Variants in ANKRD33B observed in about 807,000 individuals in gnomAD.
The protein encoded by ANKRD33B is ankyrin repeat domain-containing protein 33B.
Under a neutral mutation model 21.5 loss-of-function variants are expected in ANKRD33B, and 6 were observed. The observed-to-expected ratio is 0.28, with a 90% CI of 0.15 to 0.55. The LOEUF is 0.55. ANKRD33B is among the 20% of genes least tolerant of loss of function. The probability of loss-of-function intolerance (pLI) is 0.94; values close to 1 mark genes in which losing one functional copy is unlikely to be tolerated. For synonymous variants in ANKRD33B, 347 were observed against 342.4 expected, an observed-to-expected ratio of 1.01 and a Z score of -0.15; for missense variants, 698 against 747.2, an observed-to-expected ratio of 0.93 and a Z score of 0.77.
At chr5:10,583,875 A>G (rs531430210) in intron 1 of ANKRD33B, among the ~76,000 whole-genome samples, 10 of 152,330 alleles carry the variant, frequency 6.6e-5, no homozygotes, top group African/African-American at 1.9e-4. Context: ...GAATCTTAAC[A>G]TTTGACTGTA....
chr5:10,610,432 C>G (rs1209320504), intron 1 of ANKRD33B, among the ~76,000 whole-genome samples: 1 of 151,540 alleles, frequency 6.6e-6, no homozygotes, highest in Non-Finnish European at 1.5e-5. Context: ...TTATCTGGCC[C>G]CACATGTCAA....
At chr5:10,575,316 G>A (rs1056459857) in intron 1 of ANKRD33B, among the ~76,000 whole-genome samples, 10 of 152,052 alleles carry the variant, frequency 6.6e-5, no homozygotes, top group Middle Eastern at 3.4e-3. Context: ...CCAGCTACTC[G>A]GGAGGCTGAG....
At chr5:10,610,185 GGAGT>G (rs1736133736) in intron 1 of ANKRD33B, among the ~76,000 whole-genome samples, 2 of 152,254 alleles carry the variant, frequency 1.3e-5, no homozygotes, top group African/African-American at 4.8e-5. Flanking sequence ...CATGAGTGGT[GGAGT>G]TGAAGTTGTT....
chr5:10,582,459 AC>A (rs1369490563), intron 1 of ANKRD33B, among the ~76,000 whole-genome samples: 1 of 151,700 alleles, frequency 6.6e-6, no homozygotes, highest in Non-Finnish European at 1.5e-5. Context: ...AAGTGCTATA[AC>A]CCCCCGCCCT....
chr5:10,611,317 CT>C (rs1173372029), intron 1 of ANKRD33B, among the ~76,000 whole-genome samples: 2 of 152,092 alleles, frequency 1.3e-5, no homozygotes, highest in African/African-American at 2.4e-5. Flanking sequence ...TTCTATTTTA[CT>C]TTTCTCTATA....
chr5:10,619,828 A>C lies in ANKRD33B; in HGVS notation c.496+1366A>C, dbSNP rs903170551. Among the ~76,000 whole-genome samples the C allele has an allele frequency of 7.9e-5, 12 of 152,210 alleles. No homozygotes were observed. Among genetic ancestry groups the C allele is most frequent in the South Asian group, 4.1e-4 (2 of 4,836 alleles). On this transcript the variant is annotated intron_variant, in intron 2 of 3. Coordinates refer to ENST00000296657, the MANE Select transcript of ANKRD33B (RefSeq NM_001164440.2). The surrounding 1 kb of genome is among the most constrained non-coding windows in gnomAD (Gnocchi z 4.5). ...CAGCCCCGTCCTTGAGTAATTCTGC[A>C]GCTCATGGGACAGAGAAACACACGA...
At chr5:10,593,944 G>C (rs1415708865) in intron 1 of ANKRD33B, among the ~76,000 whole-genome samples, 1 of 152,138 alleles carries the variant, frequency 6.6e-6, no homozygotes, top group Non-Finnish European at 1.5e-5. Context: ...GCCGAATTCT[G>C]GTCCCGTGGC....
At chr5:10,641,225 C>CTTTTTTTTTT (rs772445527) in intron 3 of ANKRD33B, among the ~76,000 whole-genome samples, 4 of 77,448 alleles carry the variant, frequency 5.2e-5, no homozygotes, top group Admixed American at 1.3e-4. Context: ...TCTTCTTCTT[C>CTTTTTTTTTT]TTTTTTTTTT....
At position 10,650,100 on chromosome 5, in the gene ANKRD33B, A is replaced by G. The variant is rs1277640237; in HGVS notation, c.1472A>G (p.Lys491Arg). 1.3e-6 allele frequency: 2 copies of G among 1,521,204 alleles called. No individual in the cohort carries two copies. The highest frequency in any genetic ancestry group is 2.5e-5 in the East Asian group (1 of 40,098). 94.2% of individuals were successfully genotyped at this position (1,521,204 alleles called of 1,614,324 possible). The part of the protein sequence containing the change: ...AQKERRTAPW[K>R]KRT ...AAGGAGAGGCGCACTGCGCCCTGGA[A>G]GAAGAGGACGTGAGGGCCCGTGTGC... The change falls in exon 4 of 4, where the codon AAG becomes AGG. Residue 491 changes from lysine (K) to arginine (R), a missense_variant. Coordinates refer to ENST00000296657, the MANE Select transcript of ANKRD33B (RefSeq NM_001164440.2).
chr5:10,649,683 G>T lies in ANKRD33B; in HGVS notation c.1055G>T (p.Arg352Leu), dbSNP rs767725080. ...VQEILAARAA[R>L]GPQAQEEDEV... ...GAGATCCTGGCGGCGCGGGCTGCACGGGGCCCCCAGGCGCAGGAGGAGGAT... is the reference window on the plus strand; with the variant it reads ...GAGATCCTGGCGGCGCGGGCTGCACTGGGCCCCCAGGCGCAGGAGGAGGAT... Residue 352 changes from arginine (R) to leucine (L), a missense_variant, in exon 4 of 4, where the codon CGG becomes CTG. Physicochemically the swap from Arg to Leu is moderately radical, Grantham distance 102 (BLOSUM62 -2). Transcript: ENST00000296657. 43 of 1,524,446 alleles carry T rather than the reference G, an allele frequency of 2.8e-5. No individual in the cohort carries two copies. The South Asian group carries it at 4.6e-4, about 16-fold the overall frequency. 94.4% of individuals were successfully genotyped at this position (1,524,446 alleles called of 1,614,324 possible).
chr5:10,581,916 G>A (rs1735452555), intron 1 of ANKRD33B, among the ~76,000 whole-genome samples: 1 of 152,262 alleles, frequency 6.6e-6, no homozygotes, highest in South Asian at 2.1e-4. Context: ...CTTTATGTCT[G>A]TATCTCCTCT....
At chr5:10,641,439 G>A (rs968333559) in intron 3 of ANKRD33B, among the ~76,000 whole-genome samples, 1 of 151,972 alleles carries the variant, frequency 6.6e-6, no homozygotes. Flanking sequence ...ATGTTGGCCA[G>A]GTTGGTCTTG....
chr5:10,630,884 A>AAAAG (rs1553994254), intron 2 of ANKRD33B, among the ~76,000 whole-genome samples: 8 of 151,336 alleles, frequency 5.3e-5, no homozygotes, highest in East Asian at 1.9e-4. Flanking sequence ...AAAAAAAAAA[A>AAAAG]AAGAAGAAGA....
In ANKRD33B at chr5:10,604,211, A is replaced by C. The variant is rs34428524; in HGVS notation, c.367-14122A>C. 3.8e-3 allele frequency among the ~76,000 whole-genome samples: 326 copies of C among 86,472 alleles called. 2 individuals carry two copies. The highest frequency in any genetic ancestry group is 7.1e-3 in the Middle Eastern group (1 of 140). 56.7% of individuals were successfully genotyped at this position (86,472 alleles called of 152,430 possible). A position where few individuals can be genotyped will look rare whatever the true frequency, so the allele number is the denominator to read the frequency against. On this transcript the variant is annotated intron_variant, in intron 1 of 3. Coordinates refer to ENST00000296657, the MANE Select transcript of ANKRD33B (RefSeq NM_001164440.2). The stretch of plus-strand genomic sequence containing the variant: ...CTGGCTTTTTTTTTTTTTTTTTTTC[A>C]GACAGAGTCTTTCTCTGTCACCCGG...
At chr5:10,568,830 G>GC (rs1410990712) in intron 1 of ANKRD33B, among the ~76,000 whole-genome samples, 1 of 152,024 alleles carries the variant, frequency 6.6e-6, no homozygotes, top group Non-Finnish European at 1.5e-5. Flanking sequence ...CACCGCGCCT[G>GC]CCCTGCTTCT....
chr5:10,636,310 T>C (rs11133615), intron 2 of ANKRD33B, among the ~76,000 whole-genome samples: 16,192 of 152,152 alleles, frequency 0.11, 1,154 homozygotes, highest in Non-Finnish European at 0.16. Context: ...GCGTCATCGG[T>C]GCATAAGAAT....
intron 1 of ANKRD33B, among the ~76,000 whole-genome samples, chr5:10,587,906 A>G (rs1229197825): frequency 2.6e-5 from 4 of 152,158 alleles, no homozygotes; most frequent in African/African-American, 4.8e-5. Context: ...GCTCTGATGT[A>G]TGAATGTCTA....
At chr5:10,614,735 A>T (rs1736245957) in intron 1 of ANKRD33B, among the ~76,000 whole-genome samples, 1 of 152,120 alleles carries the variant, frequency 6.6e-6, no homozygotes, top group African/African-American at 2.4e-5. Flanking sequence ...AAAAATACAA[A>T]AATTAGCCGG....
chr5:10,619,653 G>A lies in ANKRD33B; in HGVS notation c.496+1191G>A, dbSNP rs1736370982. ...TGCTAACATGTGTTCACCTCCTCAG[G>A]TTTCGAAGCGTGAGGCATCACTTCC... On this transcript the variant is annotated intron_variant, in intron 2 of 3. Transcript: ENST00000296657. The surrounding 1 kb of genome is among the most constrained non-coding windows in gnomAD (Gnocchi z 4.5). 6.6e-6 allele frequency among the ~76,000 whole-genome samples: 1 copy of A among 152,182 alleles called. No individual in the cohort carries two copies. The highest frequency in any genetic ancestry group is 6.5e-5 in the Admixed American group (1 of 15,278).
Sources: gnomAD v4.1 joint callset for allele counts (sites outside exome capture counted in the v4.1 genomes callset) on GRCh38, gnomAD v4.1.1 for gene constraint, Gnocchi (gnomAD v3.1) non-coding constraint, MANE v1.5 for transcripts, NCBI Gene and HGNC (gene_info 2026-07-23, HGNC 2026-07-21) for gene names.